Variants in ARB2A observed in about 807,000 individuals in gnomAD.
The protein encoded by ARB2A is cotranscriptional regulator ARB2A.
chr5:93,739,736 T>C, the ARB2A span: 2 of 152,096 alleles, frequency 1.3e-5, no homozygotes, highest in Admixed American at 1.3e-4. Flanking sequence ...CTATTACAAA[T>C]ATCCTCTCAA....
the ARB2A span, among the ~76,000 whole-genome samples, chr5:93,792,519 A>C: frequency 6.6e-6 from 1 of 152,154 alleles, no homozygotes; most frequent in South Asian, 2.1e-4. Flanking sequence ...GTTAAGATAC[A>C]TTCCCTTTGT....
the ARB2A span, among the ~76,000 whole-genome samples, chr5:93,849,664 GA>G: frequency 3.3e-5 from 5 of 152,086 alleles, no homozygotes; most frequent in Non-Finnish European, 7.4e-5. Flanking sequence ...TAATAGATCA[GA>G]TAGTATTTTC....
chr5:93,775,721 C>T, the ARB2A span, among the ~76,000 whole-genome samples: 7 of 152,304 alleles, frequency 4.6e-5, no homozygotes, highest in Admixed American at 2.0e-4. Flanking sequence ...CTATCTAACA[C>T]AAGAACCAAC....
chr5:93,870,894 G>C, the ARB2A span, among the ~76,000 whole-genome samples: 1 of 152,246 alleles, frequency 6.6e-6, no homozygotes, highest in Admixed American at 6.5e-5. Context: ...ACTATGCTAT[G>C]ATGACAGTCT....
At chr5:93,852,144 T>C in the ARB2A span, among the ~76,000 whole-genome samples, 1 of 152,188 alleles carries the variant, frequency 6.6e-6, no homozygotes, top group African/African-American at 2.4e-5. Flanking sequence ...ATGATTGCCA[T>C]TCTAACTGGT....
the ARB2A span, among the ~76,000 whole-genome samples, chr5:93,643,826 C>T: frequency 2.0e-5 from 3 of 152,030 alleles, no homozygotes; most frequent in African/African-American, 4.8e-5. Context: ...TTAAGCAAAT[C>T]GATTTTAAGT....
the ARB2A span, among the ~76,000 whole-genome samples, chr5:93,768,235 A>G: frequency 6.6e-6 from 1 of 151,336 alleles, no homozygotes; most frequent in African/African-American, 2.4e-5. Context: ...AAATACTACA[A>G]ATATGGTGCA....
the ARB2A span, among the ~76,000 whole-genome samples, chr5:93,762,298 C>T: frequency 6.6e-6 from 1 of 152,088 alleles, no homozygotes; most frequent in African/African-American, 2.4e-5. Flanking sequence ...AGTTAAAAAC[C>T]TTGAAAAAAA....
chr5:93,930,854 T>C, the ARB2A span, among the ~76,000 whole-genome samples: 4 of 152,354 alleles, frequency 2.6e-5, no homozygotes, highest in South Asian at 6.2e-4. Flanking sequence ...AGTTCTGGGA[T>C]ACAAGTGCAG....
At chr5:93,760,251 TGACA>T in the ARB2A span, among the ~76,000 whole-genome samples, 1 of 152,096 alleles carries the variant, frequency 6.6e-6, no homozygotes, top group African/African-American at 2.4e-5. Flanking sequence ...AAATCATACG[TGACA>T]GAAACCAATG....
At chr5:93,689,900 T>A in the ARB2A span, among the ~76,000 whole-genome samples, 1 of 152,024 alleles carries the variant, frequency 6.6e-6, no homozygotes, top group Admixed American at 6.6e-5. Context: ...GTGCAGCCTA[T>A]GGAGGGTGAG....
At chr5:93,768,878 T>C in the ARB2A span, among the ~76,000 whole-genome samples, 3 of 152,016 alleles carry the variant, frequency 2.0e-5, no homozygotes, top group African/African-American at 7.3e-5. Context: ...GCCACTATGC[T>C]TGGCCCTCCC....
the ARB2A span, among the ~76,000 whole-genome samples, chr5:93,755,899 G>T: frequency 1.3e-5 from 2 of 152,204 alleles, no homozygotes; most frequent in Non-Finnish European, 2.9e-5. Flanking sequence ...TCGGGGGAGG[G>T]TGCAAATCCG....
At chr5:94,057,724 A>G in the ARB2A span, among the ~76,000 whole-genome samples, 1 of 152,222 alleles carries the variant, frequency 6.6e-6, no homozygotes, top group African/African-American at 2.4e-5. Context: ...AGACACATGT[A>G]AAAGAACAGT....
At chr5:93,699,953 T>C in the ARB2A span, among the ~76,000 whole-genome samples, 3 of 152,124 alleles carry the variant, frequency 2.0e-5, no homozygotes, top group Non-Finnish European at 4.4e-5. Context: ...GTTAGACACC[T>C]GGAGATTCTA....
the ARB2A span, among the ~76,000 whole-genome samples, chr5:93,631,159 A>C: frequency 6.6e-6 from 1 of 152,150 alleles, no homozygotes; most frequent in Non-Finnish European, 1.5e-5. Context: ...TGTTGGGATT[A>C]CAGGCATGAG....
At chr5:93,745,216 T>C in the ARB2A span, among the ~76,000 whole-genome samples, 1 of 152,178 alleles carries the variant, frequency 6.6e-6, no homozygotes, top group Non-Finnish European at 1.5e-5. Flanking sequence ...TAGGGTTTGG[T>C]TCAAATTTCA....
At chr5:94,053,262 C>A in the ARB2A span, 10 of 1,106,330 alleles carry the variant, frequency 9.0e-6, no homozygotes, top group Non-Finnish European at 1.1e-5. Flanking sequence ...TACTTATATT[C>A]ATTTTCATAG....
chr5:93,826,597 T>A, the ARB2A span, among the ~76,000 whole-genome samples: 6 of 152,272 alleles, frequency 3.9e-5, no homozygotes, highest in East Asian at 1.9e-4. Flanking sequence ...AATGTTTTTT[T>A]AATTTTTTTT....
Sources: allele counts gnomAD v4.1 joint callset (sites outside exome capture counted in the v4.1 genomes callset), GRCh38; gene constraint gnomAD v4.1.1; transcripts MANE v1.5; gene names NCBI Gene and HGNC (gene_info 2026-07-23, HGNC 2026-07-21).